The following AKAP13 variants were observed in gnomAD, a reference collection of about 807,000 sequenced individuals.
The protein encoded by AKAP13 is A-kinase anchor protein 13.
A neutral mutation model predicts 264.5 loss-of-function variants in AKAP13; 80 were observed. The ratio of observed to expected loss-of-function variants is 0.30; its 90% confidence interval spans 0.25 to 0.36. The LOEUF is 0.36. AKAP13 is among the 10% of genes least tolerant of loss of function. The pLI, the probability that AKAP13 is intolerant of heterozygous loss-of-function variation, is 1.00. For synonymous variants in AKAP13, 1,380 were observed against 1,250.2 expected (o/e 1.10, Z -2.19); for missense variants, 3,712 against 3,435.2 (o/e 1.08, Z -2.01).
At chr15:85,478,278 A>G (rs1000664522) in intron 1 of AKAP13, among the ~76,000 whole-genome samples, 2 of 152,226 alleles carry the variant, frequency 1.3e-5, no homozygotes, top group Non-Finnish European at 2.9e-5. Context: ...CCAGGCACAT[A>G]TTATAAATAT....
At chr15:85,555,467 A>G in intron 5 of AKAP13, 1 of 1,288,738 alleles carries the variant, frequency 7.8e-7, no homozygotes, top group Non-Finnish European at 1.0e-6. Flanking sequence ...GGCTTGCGAT[A>G]TTCGGGGTGC....
At chr15:85,654,626 C>T (rs191538181) in intron 10 of AKAP13, among the ~76,000 whole-genome samples, 1 of 152,040 alleles carries the variant, frequency 6.6e-6, no homozygotes, top group African/African-American at 2.4e-5. Flanking sequence ...GAAGACCATC[C>T]TGGGCAACAT....
chr15:85,595,224 A>G lies in AKAP13; in HGVS notation c.4161+9401A>G, dbSNP rs568703082. On this transcript the variant is annotated intron_variant, in intron 8 of 36. Transcript: ENST00000394518. ...AAGTGATACTCCCACCTCAGCCTCC[A>G]GAATAGCTGAGACCACAGGTGCGAG... Among the ~76,000 whole-genome samples the G allele has an allele frequency of 2.7e-4, 41 of 151,752 alleles. No individual in the cohort carries two copies. In the East Asian group the frequency reaches 7.8e-3, roughly 29 times the overall value.
intron 11 of AKAP13, among the ~76,000 whole-genome samples, chr15:85,657,888 A>C (rs564374988): frequency 2.9e-4 from 44 of 152,268 alleles, no homozygotes; most frequent in African/African-American, 9.9e-4. Context: ...TTTTCTTTAT[A>C]ATCCACTATG....
At chr15:85,623,287 G>T (rs2081273866) in intron 8 of AKAP13, among the ~76,000 whole-genome samples, 2 of 152,126 alleles carry the variant, frequency 1.3e-5, no homozygotes. Flanking sequence ...ATTTATCTTT[G>T]TAAGTATGGA....
rs769934881 is a variant in AKAP13, at chr15:85,747,767, G to GCTAT, written c.*3093_*3096dup. ...CAGTATTCCCTCTACCCCCGTGAGA[G>GCTAT]CTATCTGGGGGGAAGAATCCTTACC... On this transcript the variant is annotated 3_prime_UTR_variant, in exon 37 of 37. Coordinates refer to ENST00000394518, the MANE Select transcript of AKAP13 (RefSeq NM_007200.5). 1.3e-5 allele frequency: 2 copies of GCTAT among 152,714 alleles called. No homozygotes were observed. The highest frequency in any genetic ancestry group is 1.9e-4 in the East Asian group (1 of 5,202). 9.5% of individuals were successfully genotyped at this position (152,714 alleles called of 1,614,324 possible). A position where few individuals can be genotyped will look rare whatever the true frequency, so the allele number is the denominator to read the frequency against.
chr15:85,471,455 A>G (rs2151023226), intron 1 of AKAP13, among the ~76,000 whole-genome samples: 1 of 152,366 alleles, frequency 6.6e-6, no homozygotes. Flanking sequence ...AGATGGTGCC[A>G]CTACACTCCA....
chr15:85,740,810 C>T (rs2088919135), intron 34 of AKAP13, among the ~76,000 whole-genome samples: 1 of 133,150 alleles, frequency 7.5e-6, no homozygotes. Flanking sequence ...CCACTGACTG[C>T]AAACAGCATG....
chr15:85,525,449 T>C (rs2077001859), intron 3 of AKAP13, among the ~76,000 whole-genome samples: 1 of 152,230 alleles, frequency 6.6e-6, no homozygotes, highest in Non-Finnish European at 1.5e-5. Context: ...AAGAATGTCC[T>C]GTCTTTTGAA....
intron 1 of AKAP13, among the ~76,000 whole-genome samples, chr15:85,444,316 A>G (rs2073824678): frequency 1.3e-5 from 2 of 152,198 alleles, no homozygotes; most frequent in Admixed American, 6.5e-5. Flanking sequence ...CAGACAAAAT[A>G]GAAAACAATG....
chr15:85,498,942 A>G (rs1434587346), intron 2 of AKAP13, among the ~76,000 whole-genome samples: 2 of 152,216 alleles, frequency 1.3e-5, no homozygotes, highest in African/African-American at 2.4e-5. Flanking sequence ...AAGTTTAAGC[A>G]TATAAACCAA....
At chr15:85,426,546 C>G (rs2072788513) in intron 1 of AKAP13, among the ~76,000 whole-genome samples, 1 of 151,616 alleles carries the variant, frequency 6.6e-6, no homozygotes, top group Non-Finnish European at 1.5e-5. Context: ...AGTGTATTTT[C>G]ACATGTGGTC....
chr15:85,664,289 T>C (rs967655581), intron 12 of AKAP13, among the ~76,000 whole-genome samples: 1 of 152,166 alleles, frequency 6.6e-6, no homozygotes, highest in Non-Finnish European at 1.5e-5. Flanking sequence ...ATATAGTGTG[T>C]AGAAAAAAAT....
rs887571585 is a variant in AKAP13 at position 85,485,605 on chromosome 15, G to C, written c.-11-105G>C. 6 of 928,168 alleles carry C rather than the reference G, an allele frequency of 6.5e-6. No homozygotes were observed. In the Admixed American group the frequency reaches 9.9e-5, roughly 15 times the overall value. 57.5% of individuals were successfully genotyped at this position (928,168 alleles called of 1,614,324 possible). On this transcript the variant is annotated intron_variant, in intron 1 of 36. Transcript: ENST00000394518. ...GGGCATATGGTAATCTCGGGCACGG[G>C]ATTGTACTCACAGAGCTATGCTTGA...
chr15:85,744,449 A>G (rs191336788), intron 36 of AKAP13, 179 bp from the exon 37 acceptor site: 15 of 656,076 alleles, frequency 2.3e-5, no homozygotes, highest in Admixed American at 1.5e-4. Context: ...GCAGTGAAGG[A>G]TATCACTTAA....
In AKAP13 at chr15:85,655,695, A is replaced by G. The variant is rs149489406; in HGVS notation, c.4653A>G (p.Leu1551=). 182 of 1,614,048 alleles carry G rather than the reference A, an allele frequency of 1.1e-4. No homozygotes were observed. The highest frequency in any genetic ancestry group is 1.4e-4 in the Non-Finnish European group (169 of 1,180,022). Residue 1551 remains leucine, a synonymous_variant, in exon 11 of 37, where the codon CTA becomes CTG. Transcript: ENST00000394518. Reference sequence around the variant, plus strand: ...AAGTGCCTGCAAACTGCTCTGTCCTAAGGAGCTCCATGCGCTCTCTTTCTC... The same window carrying G: ...AAGTGCCTGCAAACTGCTCTGTCCTGAGGAGCTCCATGCGCTCTCTTTCTC... ...ITEVPANCSV[L]RSSMRSLSPF...
intron 8 of AKAP13, among the ~76,000 whole-genome samples, chr15:85,617,874 A>G (rs952936490): frequency 6.6e-6 from 1 of 152,236 alleles, no homozygotes; most frequent in African/African-American, 2.4e-5. Flanking sequence ...CATGCTTTTG[A>G]TAAGCCTGAG....
intron 14 of AKAP13, among the ~76,000 whole-genome samples, chr15:85,678,682 C>T (rs965233795): frequency 5.9e-5 from 9 of 151,480 alleles, no homozygotes; most frequent in Non-Finnish European, 8.8e-5. Flanking sequence ...GCCAACATGA[C>T]GAAACCATGT....
chr15:85,392,197 A>G (rs1596021495), intron 1 of AKAP13, among the ~76,000 whole-genome samples: 1 of 139,314 alleles, frequency 7.2e-6, no homozygotes, highest in African/African-American at 2.7e-5. Flanking sequence ...TACTTATTCC[A>G]TTTTTTTTTT....
Sources: gnomAD v4.1 joint callset for allele counts (sites outside exome capture counted in the v4.1 genomes callset) on GRCh38, gnomAD v4.1.1 for gene constraint, MANE v1.5 for transcripts, NCBI Gene and HGNC (gene_info 2026-07-23, HGNC 2026-07-21) for gene names.